BPTF: variants seen among roughly 807,000 people sequenced by gnomAD.
The protein encoded by BPTF is nucleosome-remodeling factor subunit BPTF.
In BPTF, 18 loss-of-function variants were observed where a neutral mutation model predicts 292.5. That is an observed-to-expected ratio of 0.06 (90% confidence interval 0.04 to 0.09). The LOEUF is 0.09. BPTF is among the 10% of genes least tolerant of loss of function. The pLI, the probability that BPTF is intolerant of heterozygous loss-of-function variation, is 1.00. For synonymous variants in BPTF, 1,225 were observed against 1,251.9 expected, an observed-to-expected ratio of 0.98 and a Z score of 0.45; for missense variants, 2,726 against 3,498.7, an observed-to-expected ratio of 0.78 and a Z score of 5.57.
intron 23 of BPTF, among the ~76,000 whole-genome samples, chr17:67,958,872 C>T (rs1042716442): frequency 1.3e-5 from 2 of 152,154 alleles, no homozygotes; most frequent in African/African-American, 2.4e-5. Flanking sequence ...GAGGCTGAGG[C>T]AGGAGAATTG....
At chr17:67,962,357 A>T (rs2067595211) in intron 24 of BPTF, among the ~76,000 whole-genome samples, 1 of 152,176 alleles carries the variant, frequency 6.6e-6, no homozygotes, top group African/African-American at 2.4e-5. Flanking sequence ...TGACTTTGAC[A>T]TGGTGTTCCT....
At position 67,947,786 on chromosome 17, in the gene BPTF, G is replaced by C; in HGVS notation, c.7678G>C (p.Ala2560Pro). ...HLKQKKSMTP[A>P]EREENQRMIV... Reference sequence around the variant, plus strand: ...AAAACAGAAAAAGAGCATGACTCCAGCTGAAAGAGAAGAGAATCAAAGGTA... The same window carrying C: ...AAAACAGAAAAAGAGCATGACTCCACCTGAAAGAGAAGAGAATCAAAGGTA... Residue 2560 changes from alanine to proline, a missense_variant, in exon 22 of 28, where the codon GCT (alanine) becomes CCT (proline). Ala to Pro is a conservative substitution (Grantham distance 27, BLOSUM62 -1). Coordinates refer to ENST00000306378, the MANE Select transcript of BPTF (RefSeq NM_182641.4). 3 of 1,552,856 alleles carry C rather than the reference G, an allele frequency of 1.9e-6. No individual in the cohort carries two copies. Among genetic ancestry groups the C allele is most frequent in the Non-Finnish European group, 2.6e-6 (3 of 1,147,488 alleles).
intron 2 of BPTF, among the ~76,000 whole-genome samples, chr17:67,857,362 G>C (rs573841423): frequency 6.6e-6 from 1 of 151,212 alleles, no homozygotes; most frequent in African/African-American, 2.4e-5. Flanking sequence ...GGGTTTCACC[G>C]TGTTAGCCAG....
chr17:67,856,400 C>G (rs571766846), intron 2 of BPTF, among the ~76,000 whole-genome samples: 1 of 151,720 alleles, frequency 6.6e-6, no homozygotes, highest in Non-Finnish European at 1.5e-5. Context: ...GTTTTTTTCT[C>G]TCCTCTGTGC....
chr17:67,891,231 A>G (rs1050343529), intron 4 of BPTF, among the ~76,000 whole-genome samples: 1 of 152,208 alleles, frequency 6.6e-6, no homozygotes, highest in African/African-American at 2.4e-5. Context: ...TCAGTATGTA[A>G]AGCAGAAATT....
chr17:67,847,632 G>C (rs1018198870), intron 1 of BPTF, among the ~76,000 whole-genome samples: 1 of 146,160 alleles, frequency 6.8e-6, no homozygotes. Context: ...CCTAGATTGC[G>C]CCACTGCACT....
At chr17:67,884,920 CTG>C (rs1273808985) in intron 4 of BPTF, among the ~76,000 whole-genome samples, 2 of 152,008 alleles carry the variant, frequency 1.3e-5, no homozygotes, top group Admixed American at 6.6e-5. Flanking sequence ...CAGTTGATAA[CTG>C]AGAGTAGTTT....
intron 26 of BPTF, chr17:67,975,423 C>G (rs1010586427): frequency 6.0e-6 from 1 of 166,140 alleles, no homozygotes; most frequent in Non-Finnish European, 1.3e-5. Context: ...TTTGTACATA[C>G]ACTAAATGGT....
chr17:67,893,378 A>G lies in BPTF; in HGVS notation c.2064A>G (p.Val688=), dbSNP rs2061251506. ...KLFKEGKEVL[V]VNSQGEISRL... is the part of the protein sequence containing the mutation. ...TTTATTTTTTTGGTCAGGTACTGGTAGTTAACTCTCAAGGAGAAATTTCAC... is the reference window on the plus strand; with the variant it reads ...TTTATTTTTTTGGTCAGGTACTGGTGGTTAACTCTCAAGGAGAAATTTCAC... The change falls in exon 6 of 28, where the codon GTA becomes GTG. Residue 688 remains valine (V), a synonymous_variant. Transcript: ENST00000306378. 1.9e-6 allele frequency: 3 copies of G among 1,611,742 alleles called. No homozygotes were observed. The highest frequency in any genetic ancestry group is 1.1e-5 in the South Asian group (1 of 91,022).
At chr17:67,862,111 G>C (rs903158738) in intron 2 of BPTF, among the ~76,000 whole-genome samples, 7 of 152,106 alleles carry the variant, frequency 4.6e-5, no homozygotes, top group African/African-American at 1.7e-4. Flanking sequence ...AAGTAGCTGG[G>C]ATTACAGGTG....
rs1555687604 is a variant in BPTF, at chr17:67,966,587, T to C, written c.8470T>C (p.Trp2824Arg). The change falls in exon 26 of 28, where the codon TGG becomes CGG. Residue 2824 changes from tryptophan to arginine, a missense_variant. By Grantham distance (101) the Trp-to-Arg change is moderately radical (BLOSUM62 -3). Transcript: ENST00000306378. ...TTCATTATAGGCCCATAAGATGGCC[T>C]GGCCTTTCCTTGAACCAGTAGACCC... ...LRSLQAHKMAWPFLEPVDPND... is the reference protein window; with the variant it reads ...LRSLQAHKMARPFLEPVDPND... 1 of 1,611,748 alleles carries C rather than the reference T, an allele frequency of 6.2e-7. No homozygotes were observed. The highest frequency in any genetic ancestry group is 8.5e-7 in the Non-Finnish European group (1 of 1,179,078).
At chr17:67,889,667 G>A (rs12452823) in intron 4 of BPTF, among the ~76,000 whole-genome samples, 28,335 of 152,038 alleles carry the variant, frequency 0.19, 3,643 homozygotes, top group East Asian at 0.66. Flanking sequence ...AATTAGCTGG[G>A]CATGGTGGCG....
Position 67,983,610 on chromosome 17 carries a change from T to C in BPTF, c.*1322T>C, listed in dbSNP as rs1404931707. The C allele has an allele frequency of 2.6e-5, 4 of 152,650 alleles. No individual in the cohort carries two copies. Among genetic ancestry groups the C allele is most frequent in the Non-Finnish European group, 5.9e-5 (4 of 68,050 alleles). 9.5% of individuals were successfully genotyped at this position (152,650 alleles called of 1,614,324 possible). On this transcript the variant is annotated 3_prime_UTR_variant, in exon 28 of 28. Transcript: ENST00000306378. Reference sequence around the variant, plus strand: ...TGGAAACCACAGAGGAAGATGTATTTTGCATGTTTTTCCTTTCAGTGTTCT... The same window carrying C: ...TGGAAACCACAGAGGAAGATGTATTCTGCATGTTTTTCCTTTCAGTGTTCT...
In BPTF at chr17:67,825,802, ACCGCCG is replaced by A; in HGVS notation, c.87_92del (p.Pro30_Pro31del). ...AGCGCTGCGCCCCGGCCCCGCCGCCACCGCCGCCGCCGCCCACGTCCGGACCCATCG... is the reference window on the plus strand; with the variant it reads ...AGCGCTGCGCCCCGGCCCCGCCGCCACCGCCGCCCACGTCCGGACCCATCG... On this transcript the variant is annotated inframe_deletion, in exon 1 of 28. Transcript: ENST00000306378. The A allele has an allele frequency of 3.9e-6, 4 of 1,027,760 alleles. No homozygotes were observed. The highest frequency in any genetic ancestry group is 4.7e-6 in the Non-Finnish European group (4 of 860,178). The allele number at this position is 1,027,760 out of a possible 1,614,324, so 63.7% of individuals were successfully genotyped here.
chr17:67,944,331 C>T lies in BPTF; in HGVS notation c.6659C>T (p.Thr2220Ile). The change falls in exon 20 of 28, where the codon ACA becomes ATA. Residue 2220 changes from threonine to isoleucine, a missense_variant. Around this residue, in one of 22 missense-constraint regions of BPTF, gnomAD observed 570 missense variants for 633.5 expected, o/e 0.90. Coordinates refer to ENST00000306378, the MANE Select transcript of BPTF (RefSeq NM_182641.4). ...LFTPLATTAT[T>I]ASTTTTTVST... is the part of the protein sequence containing the mutation. ...ACCCCATTGGCAACAACAGCCACCA[C>T]AGCCAGCACCACCACCACCACTGTT... 1 of 1,613,952 alleles carries T rather than the reference C, an allele frequency of 6.2e-7. No homozygotes were observed.
At chr17:67,893,962 G>T (rs2146321290) in intron 6 of BPTF, 72 bp from the exon 7 acceptor site, 2 of 1,563,482 alleles carry the variant, frequency 1.3e-6, no homozygotes, top group Non-Finnish European at 1.7e-6. Flanking sequence ...GGAGGCCAAA[G>T]TTACAACTAT....
At chr17:67,976,704 A>T (rs868923780) in intron 27 of BPTF, among the ~76,000 whole-genome samples, 1,481 of 139,750 alleles carry the variant, frequency 0.011, 52 homozygotes, top group African/African-American at 0.037. Flanking sequence ...AAAAAAAAAA[A>T]AAAAAAAAAA....
intron 23 of BPTF, among the ~76,000 whole-genome samples, chr17:67,954,707 A>C (rs1375985132): frequency 2.6e-5 from 4 of 152,048 alleles, no homozygotes; most frequent in Non-Finnish European, 5.9e-5. Context: ...TTTCATTTGT[A>C]TGTTTTTGAA....
chr17:67,975,197 C>G (rs1356315792), intron 26 of BPTF: 2 of 152,240 alleles, frequency 1.3e-5, no homozygotes, highest in Admixed American at 1.3e-4. Flanking sequence ...TGCATATTGC[C>G]TGTACTATTA....
Sources: gnomAD v4.1 joint callset for allele counts (sites outside exome capture counted in the v4.1 genomes callset) on GRCh38, gnomAD v4.1.1 for gene constraint, gnomAD v4.1.1 regional missense constraint, MANE v1.5 for transcripts, NCBI Gene and HGNC (gene_info 2026-07-23, HGNC 2026-07-21) for gene names.